Variants in MKX observed in about 807,000 individuals in gnomAD.
The protein encoded by MKX is homeobox protein Mohawk.
In MKX, 13 loss-of-function variants were observed where a neutral mutation model predicts 36.0. The ratio of observed to expected loss-of-function variants is 0.36; its 90% CI spans 0.24 to 0.57. The LOEUF is 0.57. MKX is among the 20% of genes least tolerant of loss of function. MKX has a pLI of 0.79. For synonymous variants in MKX, 176 were observed against 178.3 expected, an observed-to-expected ratio of 0.99 and a Z score of 0.10; for missense variants, 458 against 456.4, an observed-to-expected ratio of 1.00 and a Z score of -0.03.
intron 5 of MKX, among the ~76,000 whole-genome samples, chr10:27,683,208 TG>T (rs1349106739): frequency 6.6e-6 from 1 of 152,104 alleles, no homozygotes; most frequent in Non-Finnish European, 1.5e-5. Flanking sequence ...GGCCCGGGGA[TG>T]GGGGGGCCCC....
At chr10:27,710,972 A>C (rs1836840479) in intron 5 of MKX, among the ~76,000 whole-genome samples, 1 of 152,080 alleles carries the variant, frequency 6.6e-6, no homozygotes. Flanking sequence ...TTTTGTTTGT[A>C]AACATTTGTG....
intron 6 of MKX, 52 bp downstream of exon 6, chr10:27,675,469 G>GA (rs2132481586): frequency 6.2e-7 from 1 of 1,613,918 alleles, no homozygotes; most frequent in Middle Eastern, 1.6e-4. Flanking sequence ...AGTTTGCATT[G>GA]AAAATGCCAT....
intron 5 of MKX, among the ~76,000 whole-genome samples, chr10:27,708,649 A>T (rs920501108): frequency 6.6e-6 from 1 of 151,888 alleles, no homozygotes; most frequent in African/African-American, 2.4e-5. Flanking sequence ...GAATCACTTG[A>T]ACCGGGAGGC....
chr10:27,734,760 G>A lies in MKX; in HGVS notation c.534C>T (p.Asn178=), dbSNP rs973131909. ...DGENPPRTHM[N]EGGYNTPVHH... is the part of the protein sequence containing the mutation. ...GAACTGGGGTATTATAGCCCCCTTC[G>A]TTCATGTGGGTTCTTGGAGGATTTT... The change falls in exon 5 of 7, where the codon AAC becomes AAT. Residue 178 remains asparagine, a synonymous_variant. Transcript: ENST00000419761. 17 of 1,612,470 alleles carry A rather than the reference G, an allele frequency of 1.1e-5. No homozygotes were observed. Among genetic ancestry groups the A allele is most frequent in the Middle Eastern group, 1.6e-4 (1 of 6,070 alleles).
chr10:27,694,010 T>G (rs1836502025), intron 5 of MKX, among the ~76,000 whole-genome samples: 1 of 152,174 alleles, frequency 6.6e-6, no homozygotes, highest in African/African-American at 2.4e-5. Flanking sequence ...TTTGCTTGGC[T>G]CTCATCTTCT....
intron 5 of MKX, among the ~76,000 whole-genome samples, chr10:27,715,585 C>T (rs919853300): frequency 2.1e-4 from 32 of 152,266 alleles, no homozygotes; most frequent in African/African-American, 6.3e-4. Flanking sequence ...CTTCAAAATA[C>T]CCTGTGGGAA....
rs539092910 is a variant in MKX at position 27,697,567 on chromosome 10, A to T, written c.839-22013T>A. The stretch of plus-strand genomic sequence containing the variant: ...AGGTCCAAGGCCAAATTGTTAGTCA[A>T]CAATAGGGCTAGCACTGGAAGTCAG... On this transcript the variant is annotated intron_variant, in intron 5 of 6. Transcript: ENST00000419761. Among the ~76,000 whole-genome samples the T allele has an allele frequency of 3.2e-3, 487 of 152,332 alleles. 2 individuals are homozygous for T. The highest frequency in any genetic ancestry group is 5.1e-3 in the Non-Finnish European group (346 of 68,020).
intron 5 of MKX, among the ~76,000 whole-genome samples, chr10:27,733,022 T>A (rs1365142317): frequency 6.6e-6 from 1 of 152,178 alleles, no homozygotes; most frequent in Non-Finnish European, 1.5e-5. Context: ...AGTGTTGGGA[T>A]TACAGTTGTG....
intron 5 of MKX, among the ~76,000 whole-genome samples, chr10:27,685,056 A>G (rs1197883922): frequency 6.6e-6 from 1 of 152,122 alleles, no homozygotes; most frequent in Non-Finnish European, 1.5e-5. Context: ...CTTATTTACA[A>G]ATGACACTGT....
chr10:27,737,765 G>T (rs1834810769), intron 3 of MKX, among the ~76,000 whole-genome samples: 1 of 151,972 alleles, frequency 6.6e-6, no homozygotes, highest in Non-Finnish European at 1.5e-5. Context: ...AAACATTTTT[G>T]TAACTTTCTT....
chr10:27,695,626 G>T (rs1836540853), intron 5 of MKX, among the ~76,000 whole-genome samples: 1 of 152,096 alleles, frequency 6.6e-6, no homozygotes, highest in African/African-American at 2.4e-5. Flanking sequence ...CAATGTGAAA[G>T]GAGCAAGGAA....
intron 5 of MKX, among the ~76,000 whole-genome samples, chr10:27,678,192 T>C (rs1004734481): frequency 6.6e-6 from 1 of 152,200 alleles, no homozygotes; most frequent in Non-Finnish European, 1.5e-5. Context: ...TCTGTAAATC[T>C]TCACTCAGTA....
Position 27,711,499 on chromosome 10 carries a change from T to TTCCTTCCTTCCTTCCTTCC in MKX, c.838+22956_838+22957insGGAAGGAAGGAAGGAAGGA, listed in dbSNP as rs1554772225. Among the ~76,000 whole-genome samples, 78 of 93,042 alleles carry TTCCTTCCTTCCTTCCTTCC rather than the reference T, an allele frequency of 8.4e-4. 4 individuals carry two copies. Among genetic ancestry groups the TTCCTTCCTTCCTTCCTTCC allele is most frequent in the Middle Eastern group, 5.6e-3 (1 of 180 alleles). 61.0% of individuals were successfully genotyped at this position (93,042 alleles called of 152,430 possible). A position where few individuals can be genotyped will look rare whatever the true frequency, so the allele number is the denominator to read the frequency against. On this transcript the variant is annotated intron_variant, in intron 5 of 6. Coordinates refer to ENST00000419761, the MANE Select transcript of MKX (RefSeq NM_173576.3). ...TCTTTCTTTCTCTCTCTCTCTCTTC[T>TTCCTTCCTTCCTTCCTTCC]TTCCTTCCTTCCTTCCTTCCTTCCT...
At chr10:27,730,196 T>C (rs1216443154) in intron 5 of MKX, among the ~76,000 whole-genome samples, 1 of 152,244 alleles carries the variant, frequency 6.6e-6, no homozygotes, top group African/African-American at 2.4e-5. Flanking sequence ...GTAAAATTAC[T>C]GCTGTCAAAA....
chr10:27,703,470 G>T (rs572206930), intron 5 of MKX, among the ~76,000 whole-genome samples: 129 of 151,618 alleles, frequency 8.5e-4, no homozygotes, highest in African/African-American at 3.0e-3. Context: ...CACCACTAAG[G>T]TCAATGGAAG....
chr10:27,686,978 A>G lies in MKX; in HGVS notation c.839-11424T>C, dbSNP rs1055918120. 3.3e-5 allele frequency among the ~76,000 whole-genome samples: 5 copies of G among 150,692 alleles called. No homozygotes were observed. The East Asian group carries it at 7.8e-4, about 24-fold the overall frequency. ...ATAGTCCCCCCAACTAGCTCCTGCT[A>G]GAGAATAAAAATTAAAAGCCACACC... On this transcript the variant is annotated intron_variant, in intron 5 of 6. Transcript: ENST00000419761.
At chr10:27,726,388 A>T (rs1834489151) in intron 5 of MKX, among the ~76,000 whole-genome samples, 1 of 152,196 alleles carries the variant, frequency 6.6e-6, no homozygotes, top group South Asian at 2.1e-4. Context: ...GGCATGCCGC[A>T]GGGTTTAAAT....
chr10:27,700,446 C>T (rs893059875), intron 5 of MKX, among the ~76,000 whole-genome samples: 1 of 152,116 alleles, frequency 6.6e-6, no homozygotes, highest in African/African-American at 2.4e-5. Context: ...TTTACACTAT[C>T]GGTAAAAATC....
At chr10:27,728,641 G>C (rs546157771) in intron 5 of MKX, among the ~76,000 whole-genome samples, 81 of 152,300 alleles carry the variant, frequency 5.3e-4, no homozygotes, top group African/African-American at 1.8e-3. Flanking sequence ...GTTTAGAACA[G>C]AATACCTTTC....
Sources: allele counts gnomAD v4.1 joint callset (sites outside exome capture counted in the v4.1 genomes callset), GRCh38; gene constraint gnomAD v4.1.1; transcripts MANE v1.5; gene names NCBI Gene and HGNC (gene_info 2026-07-23, HGNC 2026-07-21).